The following CFAP299 variants were observed in gnomAD, a reference collection of about 807,000 sequenced individuals.
The protein encoded by CFAP299 is cilia- and flagella-associated protein 299.
In CFAP299, 21 loss-of-function variants were observed where a neutral mutation model predicts 27.0. The ratio of observed to expected loss-of-function variants is 0.78; its 90% CI spans 0.55 to 1.12. CFAP299 has a LOEUF of 1.12. CFAP299 is among the 50% of genes most tolerant of loss of function. CFAP299 has a pLI of 0.00. For synonymous variants in CFAP299, 104 were observed against 98.1 expected (o/e 1.06, Z -0.36); for missense variants, 310 against 276.6 (o/e 1.12, Z -0.86).
chr4:80,801,231 A>T (rs924322063), intron 3 of CFAP299, among the ~76,000 whole-genome samples: 7 of 151,778 alleles, frequency 4.6e-5, no homozygotes, highest in African/African-American at 1.5e-4. Context: ...TTATATATTT[A>T]ACAATTTAAG....
Position 80,727,532 on chromosome 4 carries a change from G to C in CFAP299, c.334-142461G>C, listed in dbSNP as rs552907770. ...GCCAGACTAGCTGAATTCAAATCAT[G>C]ATTCCACCACTGTCTTGTGGAGCCA... is the stretch of plus-strand genomic sequence containing the variant. On this transcript the variant is annotated intron_variant, in intron 3 of 5. Coordinates refer to ENST00000358105, the MANE Select transcript of CFAP299 (RefSeq NM_152770.3). 1.1e-4 allele frequency among the ~76,000 whole-genome samples: 17 copies of C among 152,188 alleles called. 1 individual carries two copies. The South Asian group carries it at 3.5e-3, about 32-fold the overall frequency.
chr4:80,604,024 A>T (rs548956776), intron 3 of CFAP299, among the ~76,000 whole-genome samples: 1 of 152,182 alleles, frequency 6.6e-6, no homozygotes, highest in Admixed American at 6.5e-5. Flanking sequence ...AAAATTACAT[A>T]TTAGACTGAA....
intron 1 of CFAP299, among the ~76,000 whole-genome samples, chr4:80,343,799 T>TA (rs35187249): frequency 0.18 from 13,728 of 75,326 alleles, 2,063 homozygotes; most frequent in African/African-American, 0.31. Context: ...AGACTCCGTC[T>TA]AAAAAAAAAA....
chr4:80,712,791 CA>C (rs916163786), intron 3 of CFAP299, among the ~76,000 whole-genome samples: 1 of 152,064 alleles, frequency 6.6e-6, no homozygotes, highest in African/African-American at 2.4e-5. Context: ...TTAGATTTTA[CA>C]AAAATTGTAC....
At chr4:80,942,615 CT>C (rs1391025583) in intron 4 of CFAP299, among the ~76,000 whole-genome samples, 2 of 152,028 alleles carry the variant, frequency 1.3e-5, no homozygotes, top group Non-Finnish European at 2.9e-5. Flanking sequence ...TACAAATATA[CT>C]TTTTTTATGT....
At chr4:80,445,526 G>T (rs1181828575) in intron 2 of CFAP299, among the ~76,000 whole-genome samples, 1 of 152,154 alleles carries the variant, frequency 6.6e-6, no homozygotes, top group Non-Finnish European at 1.5e-5. Flanking sequence ...GCCTGTCAGG[G>T]GTTGGGGGAA....
intron 3 of CFAP299, among the ~76,000 whole-genome samples, chr4:80,863,233 C>T (rs1732494000): frequency 6.7e-6 from 1 of 148,586 alleles, no homozygotes; most frequent in Non-Finnish European, 1.5e-5. Flanking sequence ...ACTTTGGCTT[C>T]ACTGTCAATA....
At chr4:80,518,004 G>C (rs1196548796) in intron 2 of CFAP299, among the ~76,000 whole-genome samples, 1 of 152,116 alleles carries the variant, frequency 6.6e-6, no homozygotes, top group Admixed American at 6.6e-5. Context: ...ATGGGAAGCT[G>C]TGTTTCTTTG....
intron 4 of CFAP299, among the ~76,000 whole-genome samples, chr4:80,897,794 C>T (rs533848324): frequency 7.9e-5 from 12 of 152,174 alleles, no homozygotes; most frequent in Non-Finnish European, 1.2e-4. Context: ...TCTTTCCCCA[C>T]ATAACTTAGT....
chr4:80,863,692 A>G (rs1200711651), intron 3 of CFAP299, among the ~76,000 whole-genome samples: 1 of 152,158 alleles, frequency 6.6e-6, no homozygotes, highest in African/African-American at 2.4e-5. Flanking sequence ...ATCCGTATTC[A>G]TGGCTTCAAA....
In CFAP299 at chr4:80,362,789, C is replaced by T. The variant is rs1371961403; in HGVS notation, c.147C>T (p.Gly49=). The change falls in exon 2 of 6, where the codon GGC becomes GGT. Residue 49 remains glycine, a synonymous_variant. Transcript: ENST00000358105. The part of the protein sequence containing the change: ...ETLARQLVEL[G]YRGTGERVKR... ...TGGCCCGCCAGTTGGTGGAGCTAGG[C>T]TACCGAGGGACTGGAGAGAGAGTGA... 1.9e-6 allele frequency: 3 copies of T among 1,612,648 alleles called. No individual in the cohort carries two copies. Among genetic ancestry groups the T allele is most frequent in the African/African-American group, 1.3e-5 (1 of 74,862 alleles).
At chr4:80,749,648 G>A (rs1286564837) in intron 3 of CFAP299, among the ~76,000 whole-genome samples, 3 of 152,178 alleles carry the variant, frequency 2.0e-5, no homozygotes, top group South Asian at 4.1e-4. Context: ...AAGTCCAAGA[G>A]TCCAAAAGCC....
intron 3 of CFAP299, among the ~76,000 whole-genome samples, chr4:80,658,072 C>T (rs1740656269): frequency 6.6e-6 from 1 of 152,128 alleles, no homozygotes; most frequent in Non-Finnish European, 1.5e-5. Flanking sequence ...GATTTTTGCA[C>T]ATTGATTTTG....
chr4:80,465,315 A>G lies in CFAP299; in HGVS notation c.242+102431A>G, dbSNP rs142397766. Among the ~76,000 whole-genome samples, 11 of 152,344 alleles carry G rather than the reference A, an allele frequency of 7.2e-5. No homozygotes were observed. In the East Asian group the frequency reaches 1.7e-3, roughly 24 times the overall value. ...CAAATAAAAACTTCTAAACAGAACT[A>G]CAGACTAAGCTGGCAGGAGAGGAGG... is the stretch of plus-strand genomic sequence containing the variant. On this transcript the variant is annotated intron_variant, in intron 2 of 5. Transcript: ENST00000358105.
chr4:80,799,866 AT>A (rs1560417704), intron 3 of CFAP299, among the ~76,000 whole-genome samples: 26 of 31,592 alleles, frequency 8.2e-4, no homozygotes, highest in African/African-American at 3.9e-3. Context: ...AATATATATT[AT>A]ATATATTATA....
intron 4 of CFAP299, among the ~76,000 whole-genome samples, chr4:80,936,687 C>T (rs1336851754): frequency 6.6e-6 from 1 of 151,988 alleles, no homozygotes; most frequent in Non-Finnish European, 1.5e-5. Flanking sequence ...CTATTGGATG[C>T]TGGGCTTAGT....
At chr4:80,509,726 G>A (rs556073814) in intron 2 of CFAP299, among the ~76,000 whole-genome samples, 2 of 152,242 alleles carry the variant, frequency 1.3e-5, no homozygotes, top group African/African-American at 2.4e-5. Flanking sequence ...ATCTACAACA[G>A]AAAGTGGCCA....
intron 2 of CFAP299, among the ~76,000 whole-genome samples, chr4:80,563,072 G>T (rs1252196335): frequency 6.6e-6 from 1 of 152,002 alleles, no homozygotes; most frequent in African/African-American, 2.4e-5. Context: ...TTAGACTAAA[G>T]AGAGAGGTCC....
chr4:80,786,288 G>T (rs1727241556), intron 3 of CFAP299, among the ~76,000 whole-genome samples: 1 of 152,042 alleles, frequency 6.6e-6, no homozygotes, highest in Admixed American at 6.6e-5. Flanking sequence ...GGAGGTAGAA[G>T]GGAGACATTA....
Sources: gnomAD v4.1 joint callset for allele counts (sites outside exome capture counted in the v4.1 genomes callset) on GRCh38, gnomAD v4.1.1 for gene constraint, MANE v1.5 for transcripts, NCBI Gene and HGNC (gene_info 2026-07-23, HGNC 2026-07-21) for gene names.